LDLRAD4: variants seen among roughly 807,000 people sequenced by gnomAD.
LDLRAD4 encodes the protein low density lipoprotein receptor class A domain containing 4.
LDLRAD4 carries 5 observed loss-of-function variants against 17.0 expected under a neutral mutation model. The observed-to-expected ratio is 0.29, with a 90% CI of 0.15 to 0.62. The LOEUF is 0.62. LDLRAD4 is among the 20% of genes least tolerant of loss of function. The probability of loss-of-function intolerance (pLI) is 0.84; values close to 1 mark genes in which losing one functional copy is unlikely to be tolerated. For missense variants in LDLRAD4, 340 were observed against 424.7 expected (o/e 0.80, Z 1.75); for synonymous variants, 168 against 171.8 (o/e 0.98, Z 0.17).
At chr18:13,312,124 C>T (rs2047273356) in intron 1 of LDLRAD4, among the ~76,000 whole-genome samples, 1 of 152,114 alleles carries the variant, frequency 6.6e-6, no homozygotes, top group Admixed American at 6.5e-5. Context: ...CATGAGCCAC[C>T]GTGCCCGGCC....
intron 5 of LDLRAD4, among the ~76,000 whole-genome samples, chr18:13,644,324 T>C (rs930026259): frequency 6.7e-6 from 1 of 149,062 alleles, no homozygotes; most frequent in African/African-American, 2.5e-5. Context: ...CCTAGCACTT[T>C]AGGAAGCTGA....
intron 3 of LDLRAD4, among the ~76,000 whole-genome samples, chr18:13,510,671 T>A (rs2093763546): frequency 6.6e-6 from 1 of 151,974 alleles, no homozygotes; most frequent in Non-Finnish European, 1.5e-5. Context: ...AGTATTGAAA[T>A]AAAAAAATCA....
At chr18:13,604,970 G>C (rs2095206812) in intron 3 of LDLRAD4, among the ~76,000 whole-genome samples, 1 of 152,138 alleles carries the variant, frequency 6.6e-6, no homozygotes, top group Admixed American at 6.5e-5. Flanking sequence ...GACCCTTCCT[G>C]GCATCTGGCT....
chr18:13,247,241 A>C (rs1310440785), intron 1 of LDLRAD4, among the ~76,000 whole-genome samples: 2 of 152,222 alleles, frequency 1.3e-5, no homozygotes, highest in Non-Finnish European at 2.9e-5. Flanking sequence ...TTGTTTTGAA[A>C]TAATTGTAGA....
At chr18:13,491,449 G>A (rs1321715136) in intron 3 of LDLRAD4, 1 of 152,206 alleles carries the variant, frequency 6.6e-6, no homozygotes, top group Admixed American at 6.5e-5. Context: ...GACGCCCTAA[G>A]ATAGACATAC....
intron 3 of LDLRAD4, among the ~76,000 whole-genome samples, chr18:13,572,010 AT>A (rs1396399902): frequency 1.3e-5 from 2 of 152,234 alleles, no homozygotes; most frequent in African/African-American, 4.8e-5. Context: ...ACCAGCCAGC[AT>A]TTTAACTGTA....
intron 1 of LDLRAD4, among the ~76,000 whole-genome samples, chr18:13,223,509 G>A (rs1310337627): frequency 6.6e-6 from 1 of 152,168 alleles, no homozygotes; most frequent in African/African-American, 2.4e-5. Flanking sequence ...GCAATGCACA[G>A]CCAGGCATTG....
chr18:13,456,931 C>G (rs112121988), intron 3 of LDLRAD4, among the ~76,000 whole-genome samples: 8 of 152,374 alleles, frequency 5.3e-5, no homozygotes, highest in African/African-American at 9.6e-5. Flanking sequence ...CCTCCTTTCT[C>G]AGCTCCCAGG....
intron 3 of LDLRAD4, among the ~76,000 whole-genome samples, chr18:13,456,021 G>A (rs1759904198): frequency 6.6e-6 from 1 of 152,152 alleles, no homozygotes; most frequent in Non-Finnish European, 1.5e-5. Flanking sequence ...GCATTGTTAG[G>A]AAACGTGTCC....
At chr18:13,284,390 T>A (rs2045484863) in intron 1 of LDLRAD4, among the ~76,000 whole-genome samples, 1 of 152,154 alleles carries the variant, frequency 6.6e-6, no homozygotes, top group South Asian at 2.1e-4. Flanking sequence ...TGTGGAGTCA[T>A]ATGGGATAAA....
At chr18:13,569,681 C>T (rs957732458) in intron 3 of LDLRAD4, among the ~76,000 whole-genome samples, 4 of 152,128 alleles carry the variant, frequency 2.6e-5, no homozygotes, top group South Asian at 2.1e-4. Flanking sequence ...GTCAGGAGTT[C>T]GAGACCAGAC....
At chr18:13,612,955 G>C in intron 3 of LDLRAD4, 1 of 618,584 alleles carries the variant, frequency 1.6e-6, no homozygotes, top group Non-Finnish European at 2.8e-6. Flanking sequence ...CCTTTAGGAA[G>C]ATGCATGTCA....
In LDLRAD4 at chr18:13,438,514, A is replaced by G. The variant is rs909554413; in HGVS notation, c.181+130A>G. 8.1e-6 allele frequency: 6 copies of G among 743,162 alleles called. No homozygotes were observed. The African/African-American group carries it at 1.1e-4, about 13-fold the overall frequency. 46.0% of individuals were successfully genotyped at this position (743,162 alleles called of 1,614,324 possible). On this transcript the variant is annotated intron_variant, in intron 3 of 5. Transcript: ENST00000359446. ...AAAGAGATTTGCATTTTCACAAAGG[A>G]AATGTTTTCTTCTTTTAGGATAGAG... is the stretch of plus-strand genomic sequence containing the variant.
chr18:13,456,121 C>T (rs527733100), intron 3 of LDLRAD4, among the ~76,000 whole-genome samples: 35 of 152,296 alleles, frequency 2.3e-4, no homozygotes, highest in South Asian at 1.7e-3. Context: ...CATCTTGTCA[C>T]GGACTCCTAG....
At position 13,440,554 on chromosome 18, in the gene LDLRAD4, G is replaced by C. The variant is rs1042240015; in HGVS notation, c.181+2170G>C. ...AATATACTCTCTTCTAAGAAGACTG[G>C]AGAGCCAGGAGACGGAATGACAAAG... On this transcript the variant is annotated intron_variant, in intron 3 of 5. Transcript: ENST00000359446. The surrounding 1 kb of genome is among the most constrained non-coding windows in gnomAD (Gnocchi z 4.4). Among the ~76,000 whole-genome samples the C allele has an allele frequency of 2.6e-5, 4 of 152,154 alleles. No individual in the cohort carries two copies. The highest frequency in any genetic ancestry group is 9.7e-5 in the African/African-American group (4 of 41,432).
At chr18:13,387,586 C>A in exon 2 of LDLRAD4, 1 of 780,096 alleles carries the variant, frequency 1.3e-6, no homozygotes, top group Middle Eastern at 3.3e-4. Flanking sequence ...GCAGGTGGGC[C>A]GCGGATGCTC....
chr18:13,389,370 C>T (rs1353034630), intron 2 of LDLRAD4, among the ~76,000 whole-genome samples: 1 of 152,034 alleles, frequency 6.6e-6, no homozygotes, highest in Non-Finnish European at 1.5e-5. Flanking sequence ...CTCGTGGATA[C>T]CCCTCCCCTC....
intron 2 of LDLRAD4, among the ~76,000 whole-genome samples, chr18:13,403,668 G>A (rs2087436004): frequency 6.6e-6 from 1 of 152,202 alleles, no homozygotes. Context: ...CCTGCATCAT[G>A]ACCTTATTTA....
chr18:13,646,899 T>A (rs530731446), exon 6 of LDLRAD4: 2 of 151,954 alleles, frequency 1.3e-5, no homozygotes, highest in Admixed American at 6.6e-5. Context: ...CGTGTGGGAG[T>A]GGTGTGGGTG....
Sources: allele counts gnomAD v4.1 joint callset (sites outside exome capture counted in the v4.1 genomes callset), GRCh38; gene constraint gnomAD v4.1.1; non-coding constraint Gnocchi (gnomAD v3.1); transcripts MANE v1.5; gene names NCBI Gene and HGNC (gene_info 2026-07-23, HGNC 2026-07-21).